CTNNA2: variants seen among roughly 807,000 people sequenced by gnomAD.
CTNNA2 encodes the protein catenin alpha 2, also known as catenin alpha-2.
In CTNNA2, 42 loss-of-function variants were observed where a neutral mutation model predicts 101.0. The ratio of observed to expected loss-of-function variants is 0.42; its 90% confidence interval spans 0.32 to 0.54. CTNNA2 has a LOEUF of 0.54. Among genes scored for constraint, CTNNA2 ranks in the 20% least tolerant of loss-of-function variants. The probability of loss-of-function intolerance (pLI) is 0.14; values close to 1 mark genes in which losing one functional copy is unlikely to be tolerated. For synonymous variants in CTNNA2, 450 were observed against 456.4 expected (o/e 0.99, Z 0.18); for missense variants, 871 against 1,223.1 (o/e 0.71, Z 4.29).
intron 7 of CTNNA2, among the ~76,000 whole-genome samples, chr2:80,205,711 T>G (rs1707492499): frequency 6.6e-6 from 1 of 152,200 alleles, no homozygotes; most frequent in Non-Finnish European, 1.5e-5. Flanking sequence ...TTTTCCAGAT[T>G]GCTAAACCTT....
Position 79,827,183 on chromosome 2 carries a change from C to T in CTNNA2, c.299-30830C>T, listed in dbSNP as rs898608194. ...CCTCCCGAGTAGCTAGGATTACAGG[C>T]GCCCGCCACCACGCCCAACTAATTT... On this transcript the variant is annotated intron_variant, in intron 3 of 18. Coordinates refer to ENST00000402739, the MANE Select transcript of CTNNA2 (RefSeq NM_001282597.3). 7.2e-5 allele frequency among the ~76,000 whole-genome samples: 11 copies of T among 151,996 alleles called. No homozygotes were observed. The South Asian group carries it at 1.0e-3, about 14-fold the overall frequency.
intron 9 of CTNNA2, among the ~76,000 whole-genome samples, chr2:80,459,878 C>T (rs907137235): frequency 2.6e-5 from 4 of 152,178 alleles, no homozygotes; most frequent in African/African-American, 9.6e-5. Context: ...ATAGGTGGGC[C>T]AGTGTGTGAG....
At chr2:80,138,759 A>G (rs937758278) in intron 7 of CTNNA2, among the ~76,000 whole-genome samples, 5 of 152,188 alleles carry the variant, frequency 3.3e-5, no homozygotes, top group African/African-American at 1.2e-4. Flanking sequence ...AAATGAGACA[A>G]TACCAGTAAA....
intron 15 of CTNNA2, among the ~76,000 whole-genome samples, chr2:80,592,208 T>A (rs530466604): frequency 1.3e-5 from 2 of 152,148 alleles, no homozygotes; most frequent in Non-Finnish European, 2.9e-5. Flanking sequence ...AAAAATCATA[T>A]AATCATTCTA....
At chr2:79,947,461 A>T (rs1688574058) in intron 7 of CTNNA2, among the ~76,000 whole-genome samples, 1 of 152,206 alleles carries the variant, frequency 6.6e-6, no homozygotes, top group Non-Finnish European at 1.5e-5. Flanking sequence ...AGTAGTGCTC[A>T]TATAACAGAC....
At chr2:79,770,466 AG>A (rs2105140491) in intron 3 of CTNNA2, among the ~76,000 whole-genome samples, 1 of 152,318 alleles carries the variant, frequency 6.6e-6, no homozygotes, top group East Asian at 1.9e-4. Flanking sequence ...AATCTTTGTA[AG>A]CTCACTAAAG....
At chr2:80,064,986 T>C (rs1043790009) in intron 7 of CTNNA2, among the ~76,000 whole-genome samples, 1 of 152,190 alleles carries the variant, frequency 6.6e-6, no homozygotes, top group Non-Finnish European at 1.5e-5. Context: ...TTATGAAGAA[T>C]TTATACTTTA....
chr2:79,399,230 A>T (rs1051750125), intron 4 of CTNNA2, among the ~76,000 whole-genome samples: 1 of 152,082 alleles, frequency 6.6e-6, no homozygotes, highest in Non-Finnish European at 1.5e-5. Flanking sequence ...TTTTTTTTTA[A>T]AGCACTGAAA....
chr2:79,611,200 A>G (rs908929374), intron 1 of CTNNA2, among the ~76,000 whole-genome samples: 5 of 152,226 alleles, frequency 3.3e-5, no homozygotes, highest in Non-Finnish European at 7.3e-5. Flanking sequence ...AAGATGGGAT[A>G]AAACTTGAGT....
intron 4 of CTNNA2, among the ~76,000 whole-genome samples, chr2:79,469,816 A>G (rs1366495615): frequency 2.0e-5 from 3 of 152,244 alleles, no homozygotes; most frequent in Non-Finnish European, 4.4e-5. Context: ...AAGGCCTTCA[A>G]CAAAATTCAA....
At chr2:80,375,714 G>A (rs1045060525) in intron 7 of CTNNA2, among the ~76,000 whole-genome samples, 10 of 151,852 alleles carry the variant, frequency 6.6e-5, no homozygotes, top group South Asian at 4.2e-4. Context: ...ACAGGCGCCC[G>A]CCACAATGCC....
At chr2:79,507,937 G>A (rs1671449424) in intron 5 of CTNNA2, among the ~76,000 whole-genome samples, 1 of 152,174 alleles carries the variant, frequency 6.6e-6, no homozygotes, top group Non-Finnish European at 1.5e-5. Context: ...ATTTATTGTG[G>A]AAATCACTCT....
intron 7 of CTNNA2, among the ~76,000 whole-genome samples, chr2:80,238,405 A>G (rs531720405): frequency 5.9e-5 from 9 of 152,318 alleles, no homozygotes; most frequent in Non-Finnish European, 1.2e-4. Context: ...ATAACATTAC[A>G]AGGAATTAAT....
intron 17 of CTNNA2, among the ~76,000 whole-genome samples, chr2:80,612,634 T>C (rs184547115): frequency 6.6e-6 from 1 of 151,672 alleles, no homozygotes; most frequent in Admixed American, 6.6e-5. Context: ...TTGAAGAGCG[T>C]TGTGTTCCTT....
intron 7 of CTNNA2, among the ~76,000 whole-genome samples, chr2:80,340,305 C>T (rs924650628): frequency 1.3e-5 from 2 of 152,104 alleles, no homozygotes; most frequent in Non-Finnish European, 2.9e-5. Context: ...CTGTCTGAAC[C>T]CTGTAGAGAA....
chr2:79,393,224 A>G (rs948349172), intron 4 of CTNNA2, among the ~76,000 whole-genome samples: 1 of 152,196 alleles, frequency 6.6e-6, no homozygotes, highest in Non-Finnish European at 1.5e-5. Flanking sequence ...TCATGAGACT[A>G]GAACACCAGG....
At chr2:80,207,056 A>G (rs57949755) in intron 7 of CTNNA2, among the ~76,000 whole-genome samples, 36,887 of 152,030 alleles carry the variant, frequency 0.24, 7,303 homozygotes, top group African/African-American at 0.54. Context: ...TTGCTTACTT[A>G]TAGTCTCTGA....
chr2:80,611,222 G>T (rs1198441276), intron 17 of CTNNA2, among the ~76,000 whole-genome samples: 2 of 150,802 alleles, frequency 1.3e-5, no homozygotes, highest in Non-Finnish European at 3.0e-5. Context: ...TTATTTATTT[G>T]CTTAGTTTAA....
intron 15 of CTNNA2, among the ~76,000 whole-genome samples, chr2:80,602,388 G>A (rs1034916728): frequency 5.3e-5 from 8 of 151,944 alleles, no homozygotes; most frequent in African/African-American, 1.9e-4. Context: ...ATTATGGAAC[G>A]TTCATGAGGA....
Sources: gnomAD v4.1 joint callset for allele counts (sites outside exome capture counted in the v4.1 genomes callset) on GRCh38, gnomAD v4.1.1 for gene constraint, MANE v1.5 for transcripts, NCBI Gene and HGNC (gene_info 2026-07-23, HGNC 2026-07-21) for gene names.